The following KIF9 variants were observed in gnomAD, a reference collection of about 807,000 sequenced individuals.
KIF9 encodes kinesin family member 9.
KIF9 carries 68 observed loss-of-function variants against 94.8 expected under a neutral mutation model. The ratio of observed to expected loss-of-function variants is 0.72; its 90% CI spans 0.59 to 0.88. The LOEUF (loss-of-function observed/expected upper bound fraction) is 0.88. KIF9 is among the 40% of genes least tolerant of loss of function. KIF9 has a pLI of 0.00. For synonymous variants in KIF9, 343 were observed against 362.1 expected (o/e 0.95, Z 0.60); for missense variants, 882 against 982.5 (o/e 0.90, Z 1.37).
chr3:47,262,588 A>G (rs549343104), intron 9 of KIF9, among the ~76,000 whole-genome samples: 50 of 152,122 alleles, frequency 3.3e-4, no homozygotes, highest in Non-Finnish European at 6.5e-4. Flanking sequence ...CATGCATTTT[A>G]TGCCATGAGA....
At chr3:47,271,921 A>C (rs1001972697) in intron 4 of KIF9, among the ~76,000 whole-genome samples, 2 of 152,136 alleles carry the variant, frequency 1.3e-5, no homozygotes, top group African/African-American at 2.4e-5. Context: ...GGAGATCGAG[A>C]CCATCCTGGC....
chr3:47,239,386 A>G (rs1699299887), intron 17 of KIF9, among the ~76,000 whole-genome samples: 1 of 152,178 alleles, frequency 6.6e-6, no homozygotes, highest in South Asian at 2.1e-4. Context: ...TGTTTGTCCC[A>G]TAAAATCTTC....
chr3:47,264,495 G>A, intron 8 of KIF9, 145 bp from the exon 9 acceptor site: 2 of 633,218 alleles, frequency 3.2e-6, no homozygotes, highest in South Asian at 3.4e-5. Flanking sequence ...GTAGTGCAGT[G>A]ACACAATCAC....
chr3:47,245,743 G>T, intron 13 of KIF9: 2 of 558,014 alleles, frequency 3.6e-6, no homozygotes, highest in South Asian at 2.2e-5. Context: ...TGTCATGTGT[G>T]TCTGCTCCAA....
chr3:47,240,825 G>C lies in KIF9; in HGVS notation c.1900C>G (p.Gln634Glu). The change falls in exon 17 of 21, where the codon CAG becomes GAG. Residue 634 changes from glutamine to glutamate, a missense_variant. By Grantham distance (29) the Gln-to-Glu change is conservative. Transcript: ENST00000684063. ...CCTTGCTTCTCCCGTAGTGACTTCT[G>C]GAAATTCAGGGCCTCCTTGGTCACA... is the stretch of plus-strand genomic sequence containing the variant. ...IDVTKEALNFQKSLREKQGKY... is the reference protein window; with the variant it reads ...IDVTKEALNFEKSLREKQGKY... 1 of 1,614,092 alleles carries C rather than the reference G, an allele frequency of 6.2e-7. No homozygotes were observed. Among genetic ancestry groups the C allele is most frequent in the African/African-American group, 1.3e-5 (1 of 75,028 alleles).
At chr3:47,275,272 A>G in intron 3 of KIF9, 53 bp downstream of exon 3, 2 of 1,275,760 alleles carry the variant, frequency 1.6e-6, no homozygotes, top group Non-Finnish European at 2.2e-6. Context: ...AAATATTTGC[A>G]TCTCTTACTC....
intron 1 of KIF9, among the ~76,000 whole-genome samples, chr3:47,281,611 G>C (rs1702361481): frequency 6.6e-6 from 1 of 152,142 alleles, no homozygotes; most frequent in African/African-American, 2.4e-5. Context: ...GCCTCCCAAA[G>C]TGCTAGGATT....
Position 47,277,265 on chromosome 3 carries a change from A to G in KIF9, c.93+17T>C, listed in dbSNP as rs372659023. On this transcript the variant is annotated intron_variant, in intron 2 of 20. Coordinates refer to ENST00000684063, the MANE Select transcript of KIF9 (RefSeq NM_182902.4). Reference sequence around the variant, plus strand: ...CAGAGAGGCCCAGTCAGTTGAAGGCAAACACATCGCACTTACTCTTTTGTC... The same window carrying G: ...CAGAGAGGCCCAGTCAGTTGAAGGCGAACACATCGCACTTACTCTTTTGTC... The G allele has an allele frequency of 7.5e-4, 1,193 of 1,600,410 alleles. 20 individuals are homozygous for G. In the South Asian group the frequency reaches 1.0e-2, roughly 13 times the overall value.
At chr3:47,272,594 T>C (rs567614699) in intron 4 of KIF9, among the ~76,000 whole-genome samples, 8 of 152,200 alleles carry the variant, frequency 5.3e-5, no homozygotes, top group Non-Finnish European at 7.3e-5. Context: ...AGAAAAAGAA[T>C]GTAAACTATC....
intron 20 of KIF9, among the ~76,000 whole-genome samples, chr3:47,230,958 C>A (rs556098836): frequency 6.6e-6 from 1 of 152,162 alleles, no homozygotes; most frequent in East Asian, 1.9e-4. Context: ...GAATCACTTA[C>A]AACCCAGGGG....
intron 9 of KIF9, chr3:47,263,723 C>T: frequency 2.6e-6 from 1 of 384,028 alleles, no homozygotes; most frequent in South Asian, 2.0e-5. Context: ...AGGTCTCCTC[C>T]CTCTGGGCCT....
intron 1 of KIF9, among the ~76,000 whole-genome samples, chr3:47,279,639 CAG>C (rs1312428925): frequency 4.7e-5 from 7 of 148,420 alleles, no homozygotes; most frequent in African/African-American, 1.5e-4. Flanking sequence ...TTTTTTGAGG[CAG>C]AGTCTCGCTC....
intron 9 of KIF9, among the ~76,000 whole-genome samples, chr3:47,259,351 C>A (rs1302666590): frequency 6.6e-6 from 1 of 152,192 alleles, no homozygotes; most frequent in Non-Finnish European, 1.5e-5. Flanking sequence ...CTCTCTGCTG[C>A]CAAGCCACAA....
At chr3:47,275,594 G>A in intron 2 of KIF9, 104 bp from the exon 3 acceptor site, 1 of 831,690 alleles carries the variant, frequency 1.2e-6, no homozygotes, top group Non-Finnish European at 1.9e-6. Context: ...CAGAGGAAAT[G>A]AACTGTAGGA....
chr3:47,271,052 G>C (rs750134495), intron 5 of KIF9, among the ~76,000 whole-genome samples, 185 bp downstream of exon 5: 1 of 151,950 alleles, frequency 6.6e-6, no homozygotes, highest in Non-Finnish European at 1.5e-5. Flanking sequence ...GCTGAGGCAG[G>C]AGGATCACTT....
At chr3:47,260,977 G>T (rs1339488246) in intron 9 of KIF9, among the ~76,000 whole-genome samples, 1 of 152,230 alleles carries the variant, frequency 6.6e-6, no homozygotes, top group Non-Finnish European at 1.5e-5. Context: ...AGTGGTACTG[G>T]CAGTGGAACT....
chr3:47,248,523 A>T (rs1700073877), intron 10 of KIF9, among the ~76,000 whole-genome samples: 1 of 151,530 alleles, frequency 6.6e-6, no homozygotes, highest in African/African-American at 2.4e-5. Context: ...GCTCACTGCA[A>T]CCTCCGCCTC....
intron 2 of KIF9, 167 bp downstream of exon 2, chr3:47,277,115 C>A: frequency 2.4e-6 from 1 of 422,954 alleles, no homozygotes; most frequent in Non-Finnish European, 4.3e-6. Flanking sequence ...TTAATTTCTT[C>A]ATTAGCAGTG....
chr3:47,230,461 G>A (rs763659228), intron 20 of KIF9, among the ~76,000 whole-genome samples: 2 of 151,526 alleles, frequency 1.3e-5, no homozygotes, highest in African/African-American at 2.4e-5. Flanking sequence ...TGCCAGGCAC[G>A]ATGGCTCATG....
Sources: allele counts gnomAD v4.1 joint callset (sites outside exome capture counted in the v4.1 genomes callset), GRCh38; gene constraint gnomAD v4.1.1; transcripts MANE v1.5; gene names NCBI Gene and HGNC (gene_info 2026-07-23, HGNC 2026-07-21).